AKAP13: variants seen among roughly 807,000 people sequenced by gnomAD.
The protein encoded by AKAP13 is A-kinase anchor protein 13.
AKAP13 carries 80 observed loss-of-function variants against 264.5 expected under a neutral mutation model. The observed-to-expected ratio is 0.30, with a 90% CI of 0.25 to 0.36. AKAP13 has a LOEUF of 0.36. AKAP13 is among the 10% of genes least tolerant of loss of function. The pLI, the probability that AKAP13 is intolerant of heterozygous loss-of-function variation, is 1.00. For missense variants in AKAP13, 3,712 were observed against 3,435.2 expected, an observed-to-expected ratio of 1.08 and a Z score of -2.01; for synonymous variants, 1,380 against 1,250.2, an observed-to-expected ratio of 1.10 and a Z score of -2.19.
At chr15:85,666,215 ATTC>A (rs1237776034) in intron 13 of AKAP13, among the ~76,000 whole-genome samples, 1 of 152,286 alleles carries the variant, frequency 6.6e-6, no homozygotes, top group Non-Finnish European at 1.5e-5. Flanking sequence ...AATGATCACC[ATTC>A]TAACTGGTGT....
intron 1 of AKAP13, among the ~76,000 whole-genome samples, chr15:85,461,320 T>C (rs2074502748): frequency 6.6e-6 from 1 of 152,172 alleles, no homozygotes; most frequent in Non-Finnish European, 1.5e-5. Context: ...TTTGCCATGT[T>C]GGCCAGGCTG....
At chr15:85,533,931 CTT>C in intron 4 of AKAP13, 51 bp downstream of exon 4, 1 of 1,403,390 alleles carries the variant, frequency 7.1e-7, no homozygotes, top group African/African-American at 1.4e-5. Context: ...GATATTTCTA[CTT>C]TTTTTTTAAT....
chr15:85,667,719 A>T (rs1393082428), intron 13 of AKAP13, among the ~76,000 whole-genome samples: 1 of 152,242 alleles, frequency 6.6e-6, no homozygotes, highest in African/African-American at 2.4e-5. Context: ...GAACAGTATT[A>T]AACTCAAGAG....
chr15:85,403,627 G>C (rs1035396115), intron 1 of AKAP13, among the ~76,000 whole-genome samples: 1 of 152,036 alleles, frequency 6.6e-6, no homozygotes, highest in African/African-American at 2.4e-5. Context: ...GATCACCTGA[G>C]GTCAGGAGTT....
intron 5 of AKAP13, among the ~76,000 whole-genome samples, chr15:85,562,691 C>T (rs867880757): frequency 1.1e-3 from 106 of 100,464 alleles, no homozygotes; most frequent in Non-Finnish European, 1.6e-3. Context: ...CTTTTCTTTT[C>T]TTTTTTTTTT....
intron 5 of AKAP13, 90 bp downstream of exon 5, chr15:85,544,045 G>T: frequency 6.7e-7 from 1 of 1,486,298 alleles, no homozygotes; most frequent in African/African-American, 1.4e-5. Flanking sequence ...ATCTCATTGT[G>T]TGTTTGCCGC....
intron 1 of AKAP13, among the ~76,000 whole-genome samples, chr15:85,466,163 GTC>G (rs2074733060): frequency 6.7e-6 from 1 of 150,354 alleles, no homozygotes; most frequent in South Asian, 2.1e-4. Flanking sequence ...TTTGAGAAGT[GTC>G]TGTTCATGTC....
chr15:85,464,209 C>A (rs896906054), intron 1 of AKAP13, among the ~76,000 whole-genome samples: 1 of 152,200 alleles, frequency 6.6e-6, no homozygotes, highest in Admixed American at 6.5e-5. Flanking sequence ...TCTCCCTTCC[C>A]TGTCCCTGTT....
At chr15:85,693,724 G>A (rs532247838) in intron 17 of AKAP13, among the ~76,000 whole-genome samples, 2 of 152,234 alleles carry the variant, frequency 1.3e-5, no homozygotes, top group Admixed American at 6.5e-5. Flanking sequence ...AGCAATACAC[G>A]TTCAGTAGAA....
intron 5 of AKAP13, among the ~76,000 whole-genome samples, chr15:85,572,560 A>G (rs1277245502): frequency 6.6e-6 from 1 of 152,176 alleles, no homozygotes; most frequent in Non-Finnish European, 1.5e-5. Flanking sequence ...ACTCTTGGGT[A>G]TGGAAGTTGT....
At chr15:85,490,092 C>G (rs1475424435) in intron 2 of AKAP13, among the ~76,000 whole-genome samples, 1 of 152,194 alleles carries the variant, frequency 6.6e-6, no homozygotes, top group African/African-American at 2.4e-5. Context: ...TTTTCAGTTC[C>G]ATTTAGTGGT....
intron 5 of AKAP13, among the ~76,000 whole-genome samples, chr15:85,571,266 T>C (rs2078809421): frequency 1.1e-5 from 1 of 91,078 alleles, no homozygotes; most frequent in Non-Finnish European, 2.5e-5. Context: ...TAGACTTATG[T>C]ACTTTTTTTT....
chr15:85,604,385 A>AT (rs1473524107), intron 8 of AKAP13, among the ~76,000 whole-genome samples: 1 of 152,000 alleles, frequency 6.6e-6, no homozygotes, highest in African/African-American at 2.4e-5. Context: ...AAGAGAGGTG[A>AT]TTCATCTTTC....
At chr15:85,561,216 C>G (rs1052977957) in intron 5 of AKAP13, among the ~76,000 whole-genome samples, 2 of 152,116 alleles carry the variant, frequency 1.3e-5, no homozygotes, top group African/African-American at 4.8e-5. Context: ...CGCCACCACA[C>G]CTGGCTAATT....
chr15:85,646,074 A>G lies in AKAP13; in HGVS notation c.4374+120A>G, dbSNP rs371328852. ...GCTCTCCTGTTTCCCTAAATATGTA[A>G]CTCCTGCTAGTAAGTTGTGATCCAG... On this transcript the variant is annotated intron_variant, in intron 10 of 36. Transcript: ENST00000394518. 13 of 1,253,348 alleles carry G rather than the reference A, an allele frequency of 1.0e-5. No homozygotes were observed. In the South Asian group the frequency reaches 1.6e-4, roughly 16 times the overall value. The allele number at this position is 1,253,348 out of a possible 1,614,324, so 77.6% of individuals were successfully genotyped here. A position where few individuals can be genotyped will look rare whatever the true frequency, so the allele number is the denominator to read the frequency against.
chr15:85,650,192 G>C (rs180692555), intron 10 of AKAP13, among the ~76,000 whole-genome samples: 4 of 152,334 alleles, frequency 2.6e-5, no homozygotes, highest in African/African-American at 9.6e-5. Flanking sequence ...CACTTCGGGA[G>C]GCTGAAGTGG....
chr15:85,715,692 T>C (rs1454223789), intron 19 of AKAP13, 96 bp from the exon 20 acceptor site: 1 of 1,079,762 alleles, frequency 9.3e-7, no homozygotes, highest in Non-Finnish European at 1.3e-6. Flanking sequence ...GCAAATCCAC[T>C]GTAAAGCGCC....
intron 1 of AKAP13, among the ~76,000 whole-genome samples, chr15:85,466,751 C>T (rs567612046): frequency 5.9e-5 from 9 of 152,268 alleles, no homozygotes; most frequent in East Asian, 5.8e-4. Flanking sequence ...TTGAATAAAA[C>T]CTTTGAAACA....
rs2087670206 is a variant in AKAP13 at position 85,727,261 on chromosome 15, C to A, written c.7004+14C>A. 1 of 1,613,944 alleles carries A rather than the reference C, an allele frequency of 6.2e-7. No individual in the cohort carries two copies. Among genetic ancestry groups the A allele is most frequent in the Admixed American group, 1.7e-5 (1 of 60,020 alleles). On this transcript the variant is annotated intron_variant, in intron 28 of 36. Coordinates refer to ENST00000394518, the MANE Select transcript of AKAP13 (RefSeq NM_007200.5). This position sits in a 1 kb window ranked among gnomAD's most constrained non-coding sequence, Gnocchi z 5.3. ...AATCAACACCCTGTAAGTTAACCAC[C>A]AGGCCCCACCCTTCCCAGCCCTCCT... is the stretch of plus-strand genomic sequence containing the variant.
Sources: allele counts gnomAD v4.1 joint callset (sites outside exome capture counted in the v4.1 genomes callset), GRCh38; gene constraint gnomAD v4.1.1; non-coding constraint Gnocchi (gnomAD v3.1); transcripts MANE v1.5; gene names NCBI Gene and HGNC (gene_info 2026-07-23, HGNC 2026-07-21).